IQCM: variants seen among roughly 807,000 people sequenced by gnomAD.
IQCM encodes the protein IQ motif containing M.
A neutral mutation model predicts 57.6 loss-of-function variants in IQCM; 45 were observed. That is an observed-to-expected ratio of 0.78 (90% CI 0.62 to 1.00). IQCM has a LOEUF of 1.00. Ranked by LOEUF, IQCM falls within the 50% of genes least tolerant of loss-of-function variation. The pLI, the probability that IQCM is intolerant of heterozygous loss-of-function variation, is 0.00. For synonymous variants in IQCM, 148 were observed against 158.9 expected (o/e 0.93, Z 0.51); for missense variants, 468 against 511.6 (o/e 0.91, Z 0.82).
intron 13 of IQCM, among the ~76,000 whole-genome samples, chr4:149,423,825 C>T (rs1734282864): frequency 1.3e-5 from 2 of 151,866 alleles, no homozygotes; most frequent in South Asian, 2.1e-4. Flanking sequence ...CTGAATAATG[C>T]CCTTATCTCA....
intron 2 of IQCM, among the ~76,000 whole-genome samples, chr4:149,764,183 C>A (rs1396597413): frequency 6.6e-6 from 1 of 152,072 alleles, no homozygotes; most frequent in African/African-American, 2.4e-5. Context: ...GTCCGTCTAA[C>A]CTTGTCTTAT....
intron 13 of IQCM, among the ~76,000 whole-genome samples, chr4:149,354,363 CAAAAAAAAAAAAAA>C (rs70965178): frequency 9.9e-5 from 2 of 20,258 alleles, no homozygotes; most frequent in South Asian, 6.3e-3. Flanking sequence ...GACTCCGTCT[CAAAAAAAAAAAAAA>C]AAAAAAAAAA....
At chr4:149,430,374 T>C (rs1004275135) in intron 13 of IQCM, among the ~76,000 whole-genome samples, 8 of 152,138 alleles carry the variant, frequency 5.3e-5, no homozygotes, top group African/African-American at 1.7e-4. Flanking sequence ...ATAAAATGTA[T>C]ACAATAAACT....
At position 149,421,549 on chromosome 4, in the gene IQCM, A is replaced by T. The variant is rs180690432; in HGVS notation, c.1390+11847T>A. Among the ~76,000 whole-genome samples, 1,479 of 152,172 alleles carry T rather than the reference A, an allele frequency of 9.7e-3. 10 individuals carry two copies. The highest frequency in any genetic ancestry group is 0.02 in the South Asian group (98 of 4,828). On this transcript the variant is annotated intron_variant, in intron 13 of 13. Coordinates refer to ENST00000636793, the MANE Select transcript of IQCM (RefSeq NM_001363507.2). The stretch of plus-strand genomic sequence containing the variant: ...AAAATTTTAAGTGTTTTATACACAC[A>T]GCTGTCAATATGTTTATTAAATAAC...
chr4:149,751,195 C>A (rs1415879893), intron 2 of IQCM, among the ~76,000 whole-genome samples: 3 of 152,206 alleles, frequency 2.0e-5, no homozygotes, highest in Admixed American at 6.5e-5. Flanking sequence ...TGTGAATGAA[C>A]TGGAACCAGA....
At chr4:149,762,023 C>A (rs1299647355) in intron 2 of IQCM, among the ~76,000 whole-genome samples, 2 of 151,878 alleles carry the variant, frequency 1.3e-5, no homozygotes, top group Non-Finnish European at 2.9e-5. Context: ...AAAAAATCAA[C>A]CTGCTAGCTT....
intron 5 of IQCM, among the ~76,000 whole-genome samples, chr4:149,732,760 C>T (rs1465099603): frequency 2.0e-5 from 3 of 152,132 alleles, no homozygotes; most frequent in South Asian, 2.1e-4. Flanking sequence ...TTGCTTAAAG[C>T]GATCTCTAAT....
At chr4:149,593,942 G>C (rs1478775667) in intron 8 of IQCM, among the ~76,000 whole-genome samples, 2 of 152,080 alleles carry the variant, frequency 1.3e-5, no homozygotes, top group African/African-American at 2.4e-5. Context: ...TCTCTGCCAG[G>C]CTTTGGTATC....
At chr4:149,528,598 G>C (rs1250650972) in intron 12 of IQCM, among the ~76,000 whole-genome samples, 1 of 152,102 alleles carries the variant, frequency 6.6e-6, no homozygotes, top group Non-Finnish European at 1.5e-5. Flanking sequence ...GTTTGAAGTA[G>C]GAGAGTAAAT....
At chr4:149,584,212 T>C (rs1271281783) in intron 9 of IQCM, among the ~76,000 whole-genome samples, 1 of 151,578 alleles carries the variant, frequency 6.6e-6, no homozygotes, top group East Asian at 1.9e-4. Context: ...CATAAACTTC[T>C]TTTCCTTTAA....
intron 12 of IQCM, among the ~76,000 whole-genome samples, chr4:149,545,703 A>G (rs1487979667): frequency 1.3e-5 from 2 of 152,106 alleles, no homozygotes; most frequent in Non-Finnish European, 2.9e-5. Flanking sequence ...ATCCAAATAA[A>G]TGAAATCAGT....
chr4:149,812,503 GACAC>G (rs71596217), intron 2 of IQCM, among the ~76,000 whole-genome samples: 73 of 132,090 alleles, frequency 5.5e-4, no homozygotes, highest in South Asian at 1.3e-3. Context: ...CACACACACA[GACAC>G]ACACACACAC....
rs536563533 is a variant in IQCM at position 149,658,887 on chromosome 4, A to C, written c.565+23231T>G. ...TAATATTTTTTGGTGGAGTTGTTAGAGTTTTCTATATATAAGATCATGTTG... is the reference window on the plus strand; with the variant it reads ...TAATATTTTTTGGTGGAGTTGTTAGCGTTTTCTATATATAAGATCATGTTG... On this transcript the variant is annotated intron_variant, in intron 7 of 13. Transcript: ENST00000636793. Among the ~76,000 whole-genome samples the C allele has an allele frequency of 2.6e-5, 4 of 152,010 alleles. No homozygotes were observed. In the South Asian group the frequency reaches 8.3e-4, roughly 32 times the overall value.
chr4:149,771,329 T>C (rs575017143), intron 2 of IQCM, among the ~76,000 whole-genome samples: 4 of 152,106 alleles, frequency 2.6e-5, no homozygotes, highest in Admixed American at 2.6e-4. Flanking sequence ...TTATCACAAG[T>C]TCCAAGTCAT....
intron 2 of IQCM, among the ~76,000 whole-genome samples, chr4:149,750,990 T>C (rs1156919613): frequency 6.6e-6 from 1 of 152,218 alleles, no homozygotes; most frequent in African/African-American, 2.4e-5. Context: ...TTTTTATCTC[T>C]ATAAACTTGT....
chr4:149,611,637 T>C (rs1280174152), intron 8 of IQCM, among the ~76,000 whole-genome samples: 1 of 152,070 alleles, frequency 6.6e-6, no homozygotes, highest in African/African-American at 2.4e-5. Flanking sequence ...AAAATAATTT[T>C]ATCTCATGGA....
chr4:149,683,686 C>A (rs1762357212), intron 6 of IQCM, among the ~76,000 whole-genome samples: 1 of 151,190 alleles, frequency 6.6e-6, no homozygotes, highest in Non-Finnish European at 1.5e-5. Context: ...TTTCTAATAT[C>A]TAGTCAATGG....
chr4:149,610,997 G>T (rs984321982), intron 8 of IQCM, among the ~76,000 whole-genome samples: 2 of 151,926 alleles, frequency 1.3e-5, no homozygotes, highest in Admixed American at 6.6e-5. Context: ...TATATAAAAA[G>T]CTCAAACAAC....
At chr4:149,468,204 G>T (rs1018190373) in intron 12 of IQCM, among the ~76,000 whole-genome samples, 1 of 152,126 alleles carries the variant, frequency 6.6e-6, no homozygotes, top group Non-Finnish European at 1.5e-5. Context: ...AGCACAAGGG[G>T]TCAGGAAATT....
Sources: allele counts gnomAD v4.1 joint callset (sites outside exome capture counted in the v4.1 genomes callset), GRCh38; gene constraint gnomAD v4.1.1; transcripts MANE v1.5; gene names NCBI Gene and HGNC (gene_info 2026-07-23, HGNC 2026-07-21).